Variants in SLC2A13 observed in about 807,000 individuals in gnomAD.
SLC2A13 encodes solute carrier family 2 member 13.
In SLC2A13, 32 loss-of-function variants were observed where a neutral mutation model predicts 64.4. That is an observed-to-expected ratio of 0.50 (90% confidence interval 0.37 to 0.67). The LOEUF (loss-of-function observed/expected upper bound fraction) is 0.67, where lower values mean the gene tolerates loss of function less well. Ranked by LOEUF, SLC2A13 falls within the 30% of genes least tolerant of loss-of-function variation. The probability of loss-of-function intolerance (pLI) is 0.00; values close to 1 mark genes in which losing one functional copy is unlikely to be tolerated. For missense variants in SLC2A13, 743 were observed against 829.2 expected (o/e 0.90, Z 1.28); for synonymous variants, 338 against 327.1 (o/e 1.03, Z -0.36).
At chr12:39,775,004 T>C (rs1275240572) in intron 7 of SLC2A13, among the ~76,000 whole-genome samples, 2 of 152,196 alleles carry the variant, frequency 1.3e-5, no homozygotes, top group African/African-American at 2.4e-5. Flanking sequence ...ATTTGGCAAT[T>C]TGAACATTAG....
intron 4 of SLC2A13, among the ~76,000 whole-genome samples, chr12:39,880,149 G>C (rs948275737): frequency 2.6e-5 from 4 of 152,066 alleles, no homozygotes. Context: ...CCAGAAGCTG[G>C]GCAGATGCCA....
Position 39,873,784 on chromosome 12 carries a change from AG to A in SLC2A13, c.1035-1824del, listed in dbSNP as rs759585691. ...CTAAATTTTATTTAAAATGAAAAAA[AG>A]TTCCATAGCTATACAAAGTATTTTA... On this transcript the variant is annotated intron_variant, in intron 4 of 9. Transcript: ENST00000280871. 1.2e-4 allele frequency among the ~76,000 whole-genome samples: 19 copies of A among 152,338 alleles called. No homozygotes were observed. The East Asian group carries it at 3.1e-3, about 25-fold the overall frequency.
At chr12:39,985,623 C>T (rs1038632159) in intron 3 of SLC2A13, among the ~76,000 whole-genome samples, 3 of 152,038 alleles carry the variant, frequency 2.0e-5, no homozygotes, top group Non-Finnish European at 2.9e-5. Context: ...AAGCATAAAA[C>T]AATGTACTGA....
At chr12:39,762,411 A>G (rs1940188850) in intron 9 of SLC2A13, among the ~76,000 whole-genome samples, 1 of 115,630 alleles carries the variant, frequency 8.6e-6, no homozygotes, top group Admixed American at 9.2e-5. Context: ...AATTACACAA[A>G]TTGACTACCT....
intron 4 of SLC2A13, among the ~76,000 whole-genome samples, chr12:39,947,302 T>C (rs1391965713): frequency 1.3e-5 from 2 of 152,220 alleles, no homozygotes; most frequent in African/African-American, 4.8e-5. Flanking sequence ...TTTTTCTGTG[T>C]AACCTTAAAA....
chr12:39,939,502 T>G (rs1423734731), intron 4 of SLC2A13, among the ~76,000 whole-genome samples: 1 of 152,208 alleles, frequency 6.6e-6, no homozygotes, highest in South Asian at 2.1e-4. Context: ...GCCAGTGGAG[T>G]TCATAGGGCT....
At chr12:39,909,436 G>C (rs180802798) in intron 4 of SLC2A13, among the ~76,000 whole-genome samples, 26 of 152,130 alleles carry the variant, frequency 1.7e-4, no homozygotes, top group Non-Finnish European at 2.5e-4. Flanking sequence ...TGGATTTGGT[G>C]CTCTTTGTTT....
intron 1 of SLC2A13, among the ~76,000 whole-genome samples, chr12:40,087,063 C>T (rs543059419): frequency 6.6e-6 from 1 of 152,290 alleles, no homozygotes; most frequent in Admixed American, 6.5e-5. Context: ...TAATCTCAGG[C>T]CGTTTGCTCT....
At chr12:39,960,581 T>C (rs1946391112) in intron 3 of SLC2A13, among the ~76,000 whole-genome samples, 1 of 152,050 alleles carries the variant, frequency 6.6e-6, no homozygotes, top group African/African-American at 2.4e-5. Flanking sequence ...GGTTTCACCA[T>C]GTTGGCCAGG....
chr12:40,074,472 T>C (rs976164229), intron 1 of SLC2A13, among the ~76,000 whole-genome samples: 4 of 151,858 alleles, frequency 2.6e-5, no homozygotes, highest in African/African-American at 9.7e-5. Context: ...CAGCCCCATA[T>C]TCTTCATTTC....
intron 1 of SLC2A13, among the ~76,000 whole-genome samples, chr12:40,083,245 A>G (rs2624247): frequency 1 from 151,953 of 152,164 alleles, 75,872 homozygotes; most frequent in Non-Finnish European, 1. Context: ...ACAGAAACAG[A>G]AGATCCCCTT....
intron 7 of SLC2A13, among the ~76,000 whole-genome samples, chr12:39,787,220 A>C (rs191906215): frequency 1.3e-5 from 2 of 152,296 alleles, no homozygotes; most frequent in Non-Finnish European, 1.5e-5. Context: ...TTCACCACTT[A>C]CTACCTTCCA....
intron 3 of SLC2A13, among the ~76,000 whole-genome samples, chr12:39,978,811 G>C (rs1946822357): frequency 6.6e-6 from 1 of 152,058 alleles, no homozygotes; most frequent in East Asian, 1.9e-4. Flanking sequence ...CGAACTGGGT[G>C]GAGCCCACCA....
chr12:39,832,274 T>A (rs1408086538), intron 6 of SLC2A13, among the ~76,000 whole-genome samples: 1 of 152,154 alleles, frequency 6.6e-6, no homozygotes, highest in African/African-American at 2.4e-5. Context: ...TATTTTGTTT[T>A]GTATTCTGCC....
At chr12:39,897,536 C>T (rs569392928) in intron 4 of SLC2A13, among the ~76,000 whole-genome samples, 55 of 152,238 alleles carry the variant, frequency 3.6e-4, no homozygotes, top group Middle Eastern at 3.4e-3. Context: ...GTAATCGATC[C>T]CTGTGTGGGG....
intron 3 of SLC2A13, among the ~76,000 whole-genome samples, chr12:40,017,973 A>T (rs1947646282): frequency 1.1e-5 from 1 of 88,098 alleles, no homozygotes; most frequent in Admixed American, 1.2e-4. Flanking sequence ...CAATGCACAT[A>T]TTTAAAAAAA....
At chr12:39,916,920 C>T (rs1945530117) in intron 4 of SLC2A13, among the ~76,000 whole-genome samples, 1 of 152,050 alleles carries the variant, frequency 6.6e-6, no homozygotes, top group African/African-American at 2.4e-5. Context: ...GTGGGGAAAA[C>T]AGAGCTTCAG....
intron 4 of SLC2A13, among the ~76,000 whole-genome samples, chr12:39,889,719 A>T (rs1040486039): frequency 6.6e-6 from 1 of 151,754 alleles, no homozygotes; most frequent in Non-Finnish European, 1.5e-5. Context: ...TTTTAGAGAG[A>T]CGGGGTTTCA....
chr12:40,001,507 C>T (rs1195771650), intron 3 of SLC2A13, among the ~76,000 whole-genome samples: 3 of 152,124 alleles, frequency 2.0e-5, no homozygotes, highest in Admixed American at 6.5e-5. Flanking sequence ...TTCACTCTCC[C>T]AATGACTCTG....
Sources: gnomAD v4.1 joint callset for allele counts (sites outside exome capture counted in the v4.1 genomes callset) on GRCh38, gnomAD v4.1.1 for gene constraint, MANE v1.5 for transcripts, NCBI Gene and HGNC (gene_info 2026-07-23, HGNC 2026-07-21) for gene names.